SMIM36: variants seen among roughly 807,000 people sequenced by gnomAD.
The protein encoded by SMIM36 is small integral membrane protein 36.
chr17:55,496,508 C>A (rs188790422), intron 1 of SMIM36, among the ~76,000 whole-genome samples: 288 of 152,264 alleles, frequency 1.9e-3, no homozygotes, highest in Non-Finnish European at 3.4e-3. Context: ...ACACTGGCAG[C>A]CCAAGAAAGT....
At chr17:55,524,202 C>T in the SMIM36 span, among the ~76,000 whole-genome samples, 1 of 152,258 alleles carries the variant, frequency 6.6e-6, no homozygotes, top group East Asian at 1.9e-4. Context: ...CGTTAGTTTG[C>T]TAAGGATAAT....
At chr17:55,515,654 A>G (rs1056488762), upstream of SMIM36, among the ~76,000 whole-genome samples, 1 of 152,184 alleles carries the variant, frequency 6.6e-6, no homozygotes, top group Non-Finnish European at 1.5e-5. Flanking sequence ...CTTGCAAGCC[A>G]TGGAATGCCA....
intron 4 of SMIM36, among the ~76,000 whole-genome samples, chr17:55,462,912 C>A (rs1909170734): frequency 6.6e-6 from 1 of 152,214 alleles, no homozygotes; most frequent in Admixed American, 6.5e-5. Flanking sequence ...CTCCCAACCC[C>A]CAGAAAGCTG....
chr17:55,516,243 C>T (rs1910275213), upstream of SMIM36, among the ~76,000 whole-genome samples: 1 of 152,188 alleles, frequency 6.6e-6, no homozygotes, highest in South Asian at 2.1e-4. Flanking sequence ...GGTGTTGGTT[C>T]TCCCTCTCCT....
the SMIM36 span, among the ~76,000 whole-genome samples, chr17:55,518,570 C>A: frequency 1.3e-5 from 2 of 152,130 alleles, no homozygotes; most frequent in East Asian, 3.9e-4. Flanking sequence ...AGAAAGAAAA[C>A]CCCTAAAAAT....
intron 4 of SMIM36, among the ~76,000 whole-genome samples, chr17:55,456,781 A>C (rs962707388): frequency 1.3e-5 from 2 of 152,240 alleles, no homozygotes; most frequent in African/African-American, 4.8e-5. Context: ...AAAAATAATT[A>C]TGTGGGTTTT....
At chr17:55,530,560 G>C in the SMIM36 span, among the ~76,000 whole-genome samples, 13 of 152,162 alleles carry the variant, frequency 8.5e-5, no homozygotes, top group African/African-American at 3.1e-4. Flanking sequence ...CAAGGCAGGC[G>C]GATCAAAAGG....
At chr17:55,497,633 G>A (rs1468862007) in intron 1 of SMIM36, among the ~76,000 whole-genome samples, 1 of 152,120 alleles carries the variant, frequency 6.6e-6, no homozygotes, top group East Asian at 1.9e-4. Context: ...GGCTGAGGCA[G>A]GAGGATTGCT....
chr17:55,512,804 AT>A (rs1394210620), upstream of SMIM36, among the ~76,000 whole-genome samples: 1 of 152,206 alleles, frequency 6.6e-6, no homozygotes, highest in Non-Finnish European at 1.5e-5. Flanking sequence ...CTTTTCTCCA[AT>A]AGCTAATAGG....
intron 4 of SMIM36, among the ~76,000 whole-genome samples, chr17:55,466,591 T>C (rs142594531): frequency 1.3e-5 from 2 of 152,318 alleles, no homozygotes; most frequent in African/African-American, 4.8e-5. Flanking sequence ...GTAGCTTGAG[T>C]TGTCATCTTC....
chr17:55,523,327 C>T, the SMIM36 span, among the ~76,000 whole-genome samples: 8 of 151,972 alleles, frequency 5.3e-5, no homozygotes, highest in East Asian at 9.7e-4. Flanking sequence ...GTCGGGAGAT[C>T]GAGACCTTCC....
chr17:55,519,995 A>C, the SMIM36 span, among the ~76,000 whole-genome samples: 1 of 152,234 alleles, frequency 6.6e-6, no homozygotes, highest in South Asian at 2.1e-4. Context: ...GTCTGAAATC[A>C]GTACTACTGG....
intron 4 of SMIM36, among the ~76,000 whole-genome samples, chr17:55,466,924 A>G (rs985637452): frequency 1.3e-5 from 2 of 152,216 alleles, no homozygotes; most frequent in Non-Finnish European, 2.9e-5. Context: ...TAAGTTAATT[A>G]GTTGCAATTA....
intron 1 of SMIM36, among the ~76,000 whole-genome samples, chr17:55,508,500 T>G (rs528112339): frequency 2.7e-5 from 4 of 145,816 alleles, no homozygotes; most frequent in Non-Finnish European, 6.0e-5. Context: ...GTGAGCTTCA[T>G]CTGAACTAAC....
intron 4 of SMIM36, among the ~76,000 whole-genome samples, chr17:55,463,850 G>A (rs1567863344): frequency 6.6e-6 from 1 of 151,658 alleles, no homozygotes; most frequent in Non-Finnish European, 1.5e-5. Flanking sequence ...GTTGAAGGCC[G>A]GGCACCTGTA....
chr17:55,527,909 G>C, the SMIM36 span: 19 of 152,240 alleles, frequency 1.2e-4, no homozygotes, highest in Non-Finnish European at 2.4e-4. Context: ...AGCCCCAGAA[G>C]ACTAACACCT....
At chr17:55,513,232 A>G (rs1302848141), upstream of SMIM36, among the ~76,000 whole-genome samples, 1 of 152,196 alleles carries the variant, frequency 6.6e-6, no homozygotes, top group Non-Finnish European at 1.5e-5. Flanking sequence ...TGCAACCAGG[A>G]TGGAGAATCA....
intron 3 of SMIM36, among the ~76,000 whole-genome samples, chr17:55,469,493 C>T (rs562243520): frequency 2.6e-5 from 4 of 152,160 alleles, no homozygotes; most frequent in Non-Finnish European, 5.9e-5. Flanking sequence ...AATTTTATCA[C>T]CCAGTCCACT....
intron 1 of SMIM36, among the ~76,000 whole-genome samples, chr17:55,505,805 A>G (rs1041055406): frequency 2.5e-5 from 3 of 121,256 alleles, no homozygotes; most frequent in African/African-American, 1.2e-4. Flanking sequence ...TGCAGATGAC[A>G]TGATTGTATA....
Sources: gnomAD v4.1 joint callset for allele counts (sites outside exome capture counted in the v4.1 genomes callset) on GRCh38, gnomAD v4.1.1 for gene constraint, MANE v1.5 for transcripts, NCBI Gene and HGNC (gene_info 2026-07-23, HGNC 2026-07-21) for gene names.